The following VTI1A variants were observed in gnomAD, a reference collection of about 807,000 sequenced individuals.
The protein encoded by VTI1A is vesicle transport through interaction with t-SNAREs homolog 1A.
In VTI1A, 22 loss-of-function variants were observed where a neutral mutation model predicts 34.9. That is an observed-to-expected ratio of 0.63 (90% CI 0.45 to 0.90). The LOEUF (loss-of-function observed/expected upper bound fraction) is 0.90, where lower values mean the gene tolerates loss of function less well. Among genes scored for constraint, VTI1A ranks in the 40% least tolerant of loss-of-function variants. VTI1A has a pLI of 0.00. For missense variants in VTI1A, 268 were observed against 275.6 expected, an observed-to-expected ratio of 0.97 and a Z score of 0.20; for synonymous variants, 87 against 97.3, an observed-to-expected ratio of 0.89 and a Z score of 0.62.
At chr10:112,650,368 A>G (rs1320842963) in intron 5 of VTI1A, among the ~76,000 whole-genome samples, 1 of 152,168 alleles carries the variant, frequency 6.6e-6, no homozygotes, top group Non-Finnish European at 1.5e-5. Context: ...TGCAGGGCCA[A>G]TAACATGCAT....
At chr10:112,811,040 C>T (rs1012862724) in intron 7 of VTI1A, among the ~76,000 whole-genome samples, 4 of 152,204 alleles carry the variant, frequency 2.6e-5, no homozygotes, top group African/African-American at 9.6e-5. Context: ...CCAGATGCCT[C>T]GTCTTGTCTG....
intron 5 of VTI1A, among the ~76,000 whole-genome samples, chr10:112,610,176 T>C (rs1384557419): frequency 2.4e-4 from 2 of 8,294 alleles, no homozygotes; most frequent in Non-Finnish European, 5.0e-4. Context: ...TTTTCCAGTC[T>C]TTTTTTTTTT....
intron 3 of VTI1A, among the ~76,000 whole-genome samples, chr10:112,526,095 C>T (rs1162851846): frequency 6.6e-6 from 1 of 152,132 alleles, no homozygotes; most frequent in Non-Finnish European, 1.5e-5. Flanking sequence ...GCAGGAAAGA[C>T]AACAAAGTAA....
At chr10:112,649,837 A>G (rs572391724) in intron 5 of VTI1A, among the ~76,000 whole-genome samples, 2 of 152,310 alleles carry the variant, frequency 1.3e-5, no homozygotes, top group East Asian at 1.9e-4. Flanking sequence ...AAGGACTTGT[A>G]TATTTAAACA....
the VTI1A span, among the ~76,000 whole-genome samples, chr10:112,830,822 C>CATAT: frequency 6.6e-4 from 36 of 54,724 alleles, 1 homozygote; most frequent in East Asian, 9.8e-4. Flanking sequence ...CTAAAACCCT[C>CATAT]ATATATATAT....
intron 7 of VTI1A, among the ~76,000 whole-genome samples, chr10:112,703,496 A>G (rs998730127): frequency 1.4e-4 from 21 of 151,978 alleles, no homozygotes; most frequent in Non-Finnish European, 2.9e-4. Context: ...GAACCGGGAG[A>G]TGAAGGTTGC....
chr10:112,829,489 G>A, the VTI1A span, among the ~76,000 whole-genome samples: 6 of 150,060 alleles, frequency 4.0e-5, no homozygotes. Flanking sequence ...GGTGGCTCAC[G>A]CCTATAATCC....
chr10:112,578,810 A>G (rs1358644498), intron 5 of VTI1A, among the ~76,000 whole-genome samples: 5 of 152,192 alleles, frequency 3.3e-5, no homozygotes. Flanking sequence ...TGATTGTAAG[A>G]TGTGTATCTT....
chr10:112,813,363 A>G (rs1352746195), intron 7 of VTI1A, among the ~76,000 whole-genome samples: 1 of 152,256 alleles, frequency 6.6e-6, no homozygotes, highest in Non-Finnish European at 1.5e-5. Context: ...ACCAAGCTGT[A>G]CAAGAGACAC....
chr10:112,824,397 G>GT, the VTI1A span: 1 of 152,384 alleles, frequency 6.6e-6, no homozygotes, highest in Non-Finnish European at 1.5e-5. Context: ...CCAACATGGT[G>GT]AAACCCTGTC....
intron 5 of VTI1A, among the ~76,000 whole-genome samples, chr10:112,614,969 T>C (rs1415291585): frequency 6.6e-6 from 1 of 152,098 alleles, no homozygotes; most frequent in Admixed American, 6.5e-5. Context: ...TAGAATCATA[T>C]TGATGGATCA....
In VTI1A at chr10:112,618,489, TTATATATATA is replaced by T. The variant is rs1209916722; in HGVS notation, c.428-49702_428-49693del. On this transcript the variant is annotated intron_variant, in intron 5 of 7. Coordinates refer to ENST00000393077, the MANE Select transcript of VTI1A (RefSeq NM_145206.4). ...ATAATGAAATATACAAATGATTATATTATATATATATATATATATATATATATATATATAT... is the reference window on the plus strand; with the variant it reads ...ATAATGAAATATACAAATGATTATATTATATATATATATATATATATATAT... 1.2e-3 allele frequency among the ~76,000 whole-genome samples: 88 copies of T among 74,354 alleles called. 3 individuals carry two copies. Among genetic ancestry groups the T allele is most frequent in the Admixed American group, 2.5e-3 (10 of 4,032 alleles). 48.8% of individuals were successfully genotyped at this position (74,354 alleles called of 152,430 possible). A position where few individuals can be genotyped will look rare whatever the true frequency, so the allele number is the denominator to read the frequency against.
intron 7 of VTI1A, among the ~76,000 whole-genome samples, chr10:112,789,713 T>C (rs143324522): frequency 6.6e-6 from 1 of 152,318 alleles, no homozygotes; most frequent in Non-Finnish European, 1.5e-5. Context: ...TATTCAACTG[T>C]AGAATTTCCG....
rs182004550 is a variant in VTI1A at position 112,698,958 on chromosome 10, C to T, written c.560+29960C>T. Among the ~76,000 whole-genome samples the T allele has an allele frequency of 5.6e-3, 845 of 152,224 alleles. 6 individuals are homozygous for T. Among genetic ancestry groups the T allele is most frequent in the East Asian group, 0.011 (56 of 5,180 alleles). ...GGAGATGACCACAGCTGTGGTCCTCCGTAGCTACCACACCCCTGAGTAGTG... is the reference window on the plus strand; with the variant it reads ...GGAGATGACCACAGCTGTGGTCCTCTGTAGCTACCACACCCCTGAGTAGTG... On this transcript the variant is annotated intron_variant, in intron 7 of 7. Transcript: ENST00000393077.
intron 3 of VTI1A, among the ~76,000 whole-genome samples, chr10:112,471,239 G>A (rs559683837): frequency 2.6e-5 from 4 of 152,140 alleles, no homozygotes; most frequent in Admixed American, 6.5e-5. Context: ...AAATTCATGC[G>A]GTAATTTGCA....
intron 7 of VTI1A, among the ~76,000 whole-genome samples, chr10:112,803,513 T>C (rs559952293): frequency 6.6e-6 from 1 of 151,984 alleles, no homozygotes; most frequent in South Asian, 2.1e-4. Flanking sequence ...GAAACAAGAG[T>C]GGACGTGGGG....
At chr10:112,755,276 GAAAGAA>G (rs1383367986) in intron 7 of VTI1A, among the ~76,000 whole-genome samples, 1 of 138,530 alleles carries the variant, frequency 7.2e-6, no homozygotes, top group Admixed American at 7.7e-5. Flanking sequence ...AAGAAAGAAA[GAAAGAA>G]AAGTATGCTT....
chr10:112,806,327 C>G (rs1447845928), intron 7 of VTI1A, among the ~76,000 whole-genome samples: 4 of 152,130 alleles, frequency 2.6e-5, no homozygotes, highest in Non-Finnish European at 4.4e-5. Flanking sequence ...ACTCTGTCAC[C>G]CAGGGTGGAG....
rs1853507417 is a variant in VTI1A, at chr10:112,815,878, T to C, written c.*495T>C. ...CAGCCCTGTTCCTACACAGGCCTCA[T>C]GAATATAGTCATCAACCTGCCTGAG... On this transcript the variant is annotated 3_prime_UTR_variant, in exon 8 of 8. Transcript: ENST00000393077. 4.3e-6 allele frequency: 1 copy of C among 233,112 alleles called. No individual in the cohort carries two copies. 14.4% of individuals were successfully genotyped at this position (233,112 alleles called of 1,614,324 possible). A position where few individuals can be genotyped will look rare whatever the true frequency, so the allele number is the denominator to read the frequency against.
Sources: gnomAD v4.1 joint callset for allele counts (sites outside exome capture counted in the v4.1 genomes callset) on GRCh38, gnomAD v4.1.1 for gene constraint, MANE v1.5 for transcripts, NCBI Gene and HGNC (gene_info 2026-07-23, HGNC 2026-07-21) for gene names.